Variants in LMNTD1 observed in about 807,000 individuals in gnomAD.
LMNTD1 encodes the protein lamin tail domain-containing protein 1.
Under a neutral mutation model 50.9 loss-of-function variants are expected in LMNTD1, and 35 were observed. The observed-to-expected ratio is 0.69, with a 90% CI of 0.53 to 0.91. LMNTD1 has a LOEUF of 0.91. Ranked by LOEUF, LMNTD1 falls within the 40% of genes least tolerant of loss-of-function variation. The pLI, the probability that LMNTD1 is intolerant of heterozygous loss-of-function variation, is 0.00. For synonymous variants in LMNTD1, 153 were observed against 161.9 expected, an observed-to-expected ratio of 0.94 and a Z score of 0.42; for missense variants, 470 against 475.5, an observed-to-expected ratio of 0.99 and a Z score of 0.11.
chr12:25,604,035 G>A (rs1309969804), intron 1 of LMNTD1, among the ~76,000 whole-genome samples: 1 of 152,014 alleles, frequency 6.6e-6, no homozygotes. Context: ...AAAAAGAACT[G>A]CATGATTAAA....
intron 6 of LMNTD1, 93 bp from the exon 7 acceptor site, chr12:25,520,168 A>G: frequency 9.0e-6 from 2 of 221,174 alleles, no homozygotes; most frequent in African/African-American, 2.4e-5. Flanking sequence ...ATATATATAT[A>G]TATATATAGT....
intron 4 of LMNTD1, among the ~76,000 whole-genome samples, chr12:25,527,383 G>T (rs939786726): frequency 6.6e-6 from 1 of 151,502 alleles, no homozygotes; most frequent in Non-Finnish European, 1.5e-5. Flanking sequence ...AAAGATTTTT[G>T]AAAGGTAAAA....
At chr12:25,612,018 A>G (rs1010841150) in intron 1 of LMNTD1, among the ~76,000 whole-genome samples, 1 of 152,158 alleles carries the variant, frequency 6.6e-6, no homozygotes, top group African/African-American at 2.4e-5. Context: ...CCATCCAGGG[A>G]TAGAGTGCTT....
At chr12:25,571,830 C>T (rs1944812523) in intron 1 of LMNTD1, among the ~76,000 whole-genome samples, 2 of 152,072 alleles carry the variant, frequency 1.3e-5, no homozygotes, top group South Asian at 4.2e-4. Context: ...CCACCATGCC[C>T]AGCTAATTTT....
intron 2 of LMNTD1, 95 bp downstream of exon 2, chr12:25,552,776 A>G: frequency 2.7e-6 from 2 of 744,228 alleles, no homozygotes; most frequent in Non-Finnish European, 2.3e-6. Context: ...TAACTGGTTC[A>G]TAAGAGTATT....
intron 8 of LMNTD1, among the ~76,000 whole-genome samples, chr12:25,511,443 G>C (rs764301615): frequency 6.6e-6 from 1 of 152,150 alleles, no homozygotes; most frequent in African/African-American, 2.4e-5. Flanking sequence ...GAAAGACAAT[G>C]ATGAGTTGTT....
At position 25,566,414 on chromosome 12, in the gene LMNTD1, A is replaced by G. The variant is rs1178269216; in HGVS notation, c.59-19860T>C. ...TTTCGCAAGTGCCAATTGTGGTGCT[A>G]TAAATACGGAAGTGCAAGTATCTTG... is the stretch of plus-strand genomic sequence containing the variant. On this transcript the variant is annotated intron_variant, in intron 1 of 7. Transcript: ENST00000445693. Among the ~76,000 whole-genome samples the G allele has an allele frequency of 2.0e-5, 3 of 152,220 alleles. No homozygotes were observed. In the East Asian group the frequency reaches 5.8e-4, roughly 29 times the overall value.
intron 1 of LMNTD1, among the ~76,000 whole-genome samples, chr12:25,629,974 G>A (rs370798755): frequency 2.0e-5 from 3 of 152,122 alleles, no homozygotes; most frequent in South Asian, 4.1e-4. Context: ...CAAGCAATTC[G>A]TGGATGCTAA....
intron 9 of LMNTD1, among the ~76,000 whole-genome samples, chr12:25,481,705 C>A (rs1428862851): frequency 6.6e-6 from 1 of 151,116 alleles, no homozygotes; most frequent in Non-Finnish European, 1.5e-5. Flanking sequence ...AGACAACAGG[C>A]TAAATCCCAA....
chr12:25,554,981 G>A (rs904224508), upstream of LMNTD1, among the ~76,000 whole-genome samples: 6 of 151,656 alleles, frequency 4.0e-5, no homozygotes, highest in South Asian at 2.1e-4. Context: ...CAGGAGAATC[G>A]CTTGAACCGG....
intron 1 of LMNTD1, among the ~76,000 whole-genome samples, chr12:25,597,095 A>G (rs929992701): frequency 1.3e-5 from 2 of 152,124 alleles, no homozygotes; most frequent in South Asian, 2.1e-4. Flanking sequence ...AAACTAAATC[A>G]TATCACCAGA....
In LMNTD1 at chr12:25,476,130, A is replaced by G. The variant is rs937317573; in HGVS notation, c.*353T>C. On this transcript the variant is annotated 3_prime_UTR_variant, in exon 10 of 10. Transcript: ENST00000458174. ...CAATGTAAAATGGTTAAACAATTGC[A>G]CGTGCTCTTCTTTTGTGAGTTCTGT... 1.3e-5 allele frequency: 2 copies of G among 152,250 alleles called. No homozygotes were observed. The highest frequency in any genetic ancestry group is 4.8e-5 in the African/African-American group (2 of 41,466). 9.4% of individuals were successfully genotyped at this position (152,250 alleles called of 1,614,324 possible).
At position 25,614,757 on chromosome 12, in the gene LMNTD1, A is replaced by G. The variant is rs182938072; in HGVS notation, c.58+33737T>C. Among the ~76,000 whole-genome samples the G allele has an allele frequency of 5.7e-3, 873 of 152,306 alleles. 37 individuals carry two copies. Among genetic ancestry groups the G allele is most frequent in the Admixed American group, 0.053 (808 of 15,288 alleles). The stretch of plus-strand genomic sequence containing the variant: ...TTTGCTAAGGCTGCCACAACAAAGT[A>G]TCACAGACTGGGTGACCTAAACAAC... On this transcript the variant is annotated intron_variant, in intron 1 of 7. Transcript: ENST00000445693.
At chr12:25,517,035 A>G (rs554599013) in intron 8 of LMNTD1, among the ~76,000 whole-genome samples, 15 of 124,264 alleles carry the variant, frequency 1.2e-4, no homozygotes, top group Middle Eastern at 8.2e-3. Flanking sequence ...TTAGAATGGC[A>G]ATCATTAAAA....
rs375448695 is a variant in LMNTD1, at chr12:25,517,478, C to G, written c.1189+1317G>C. Among the ~76,000 whole-genome samples the G allele has an allele frequency of 5.7e-4, 23 of 40,400 alleles. 7 individuals carry two copies. Among genetic ancestry groups the G allele is most frequent in the African/African-American group, 1.2e-3 (20 of 16,862 alleles). The allele number at this position is 40,400 out of a possible 152,430, so 26.5% of individuals were successfully genotyped here. ...AAGAACAAAAAACCAAACACCGCATCTTCTCACTCATAGGTGGGAATTGAA... is the reference window on the plus strand; with the variant it reads ...AAGAACAAAAAACCAAACACCGCATGTTCTCACTCATAGGTGGGAATTGAA... On this transcript the variant is annotated intron_variant, in intron 8 of 9. Transcript: ENST00000458174.
At chr12:25,512,863 A>AT (rs1371657591) in intron 8 of LMNTD1, among the ~76,000 whole-genome samples, 1 of 130,356 alleles carries the variant, frequency 7.7e-6, no homozygotes, top group Non-Finnish European at 1.6e-5. Context: ...TTTTTTTTTT[A>AT]TGGGGGGGGG....
chr12:25,531,178 A>G (rs1310415203), intron 4 of LMNTD1, among the ~76,000 whole-genome samples: 1 of 152,224 alleles, frequency 6.6e-6, no homozygotes, highest in Non-Finnish European at 1.5e-5. Flanking sequence ...TGTCCAGATA[A>G]GAGCCTATTT....
At chr12:25,609,972 G>A (rs1462546976) in intron 1 of LMNTD1, among the ~76,000 whole-genome samples, 1 of 152,130 alleles carries the variant, frequency 6.6e-6, no homozygotes, top group South Asian at 2.1e-4. Context: ...AAGGCAGGTG[G>A]GCCTAGTTGA....
chr12:25,623,968 G>T (rs1374112411), intron 1 of LMNTD1, among the ~76,000 whole-genome samples: 1 of 152,052 alleles, frequency 6.6e-6, no homozygotes, highest in Non-Finnish European at 1.5e-5. Flanking sequence ...TTCTGACTTG[G>T]GTGCTCAGAA....
Sources: allele counts gnomAD v4.1 joint callset (sites outside exome capture counted in the v4.1 genomes callset), GRCh38; gene constraint gnomAD v4.1.1; transcripts MANE v1.5; gene names NCBI Gene and HGNC (gene_info 2026-07-23, HGNC 2026-07-21).